DPP10: variants seen among roughly 807,000 people sequenced by gnomAD.
DPP10 encodes dipeptidyl peptidase like 10.
In DPP10, 33 loss-of-function variants were observed where a neutral mutation model predicts 120.9. The observed-to-expected ratio is 0.27, with a 90% CI of 0.21 to 0.37. The LOEUF (loss-of-function observed/expected upper bound fraction) is 0.37. Ranked by LOEUF, DPP10 falls within the 10% of genes least tolerant of loss-of-function variation. The probability of loss-of-function intolerance (pLI) is 1.00; values close to 1 mark genes in which losing one functional copy is unlikely to be tolerated. For synonymous variants in DPP10, 337 were observed against 326.1 expected, an observed-to-expected ratio of 1.03 and a Z score of -0.36; for missense variants, 816 against 942.8, an observed-to-expected ratio of 0.87 and a Z score of 1.76.
intron 5 of DPP10, among the ~76,000 whole-genome samples, chr2:115,636,568 C>T (rs1447030968): frequency 1.3e-5 from 2 of 150,022 alleles, no homozygotes; most frequent in Admixed American, 1.3e-4. Flanking sequence ...GAGAAGGAGA[C>T]AGAGAGAGAG....
At chr2:115,518,978 A>G (rs1337602550) in intron 4 of DPP10, among the ~76,000 whole-genome samples, 1 of 152,178 alleles carries the variant, frequency 6.6e-6, no homozygotes, top group African/African-American at 2.4e-5. Context: ...GAATCATTAG[A>G]CCAGCACAAA....
At chr2:114,594,561 G>A (rs1314586689) in intron 1 of DPP10, among the ~76,000 whole-genome samples, 1 of 130,862 alleles carries the variant, frequency 7.6e-6, no homozygotes. Flanking sequence ...CATATATTAT[G>A]TATACATATA....
chr2:114,544,475 T>A (rs1464253248), intron 1 of DPP10, among the ~76,000 whole-genome samples: 1 of 152,190 alleles, frequency 6.6e-6, no homozygotes, highest in Non-Finnish European at 1.5e-5. Context: ...CTGTGATTGA[T>A]AAAACACTTG....
At chr2:114,857,584 G>A (rs935560102) in intron 1 of DPP10, among the ~76,000 whole-genome samples, 6 of 152,124 alleles carry the variant, frequency 3.9e-5, no homozygotes, top group South Asian at 2.1e-4. Flanking sequence ...AACCATCCCA[G>A]GCTCTGGAAA....
intron 1 of DPP10, among the ~76,000 whole-genome samples, chr2:114,479,209 T>A (rs2104664954): frequency 6.6e-6 from 1 of 152,316 alleles, no homozygotes; most frequent in Non-Finnish European, 1.5e-5. Flanking sequence ...CCCAAGTTTC[T>A]GTTTTGTTTT....
At chr2:115,158,028 A>G (rs1262271257) in intron 1 of DPP10, among the ~76,000 whole-genome samples, 1 of 152,202 alleles carries the variant, frequency 6.6e-6, no homozygotes, top group East Asian at 1.9e-4. Context: ...TTTGTCTCTA[A>G]AGGGTATCCT....
chr2:115,618,052 A>G (rs1419932282), intron 5 of DPP10, among the ~76,000 whole-genome samples: 1 of 152,174 alleles, frequency 6.6e-6, no homozygotes, highest in Non-Finnish European at 1.5e-5. Flanking sequence ...GTGACATAAC[A>G]TTTAAAACTT....
intron 1 of DPP10, among the ~76,000 whole-genome samples, chr2:115,209,328 T>G (rs561339154): frequency 6.6e-6 from 1 of 152,288 alleles, no homozygotes; most frequent in South Asian, 2.1e-4. Context: ...AAATCTTATT[T>G]TCTTTACTCT....
intron 1 of DPP10, among the ~76,000 whole-genome samples, chr2:114,589,260 T>G (rs1272440602): frequency 6.6e-6 from 1 of 152,166 alleles, no homozygotes; most frequent in Non-Finnish European, 1.5e-5. Context: ...GAGTAATTCC[T>G]GGAGGCCCAG....
intron 1 of DPP10, among the ~76,000 whole-genome samples, chr2:115,009,276 G>T (rs1702085718): frequency 6.6e-6 from 1 of 151,850 alleles, no homozygotes; most frequent in African/African-American, 2.4e-5. Flanking sequence ...CATGTCCTTT[G>T]TAGGGACATG....
chr2:115,177,815 G>GT (rs2053801200), intron 1 of DPP10, among the ~76,000 whole-genome samples: 3 of 152,144 alleles, frequency 2.0e-5, no homozygotes, highest in Admixed American at 1.3e-4. Context: ...CCAGGCTGGA[G>GT]TACAGTGGCG....
rs1175597258 is a variant in DPP10, at chr2:115,163,351, T to A, written c.61-145888T>A. Among the ~76,000 whole-genome samples, 4 of 152,300 alleles carry A rather than the reference T, an allele frequency of 2.6e-5. No homozygotes were observed. In the South Asian group the frequency reaches 8.3e-4, roughly 32 times the overall value. ...TTTCTCCTCTTCCCTCCCCTTCTCTTTTCTCTCACATGTGTTTCACACAGG... is the reference window on the plus strand; with the variant it reads ...TTTCTCCTCTTCCCTCCCCTTCTCTATTCTCTCACATGTGTTTCACACAGG... On this transcript the variant is annotated intron_variant, in intron 1 of 25. Transcript: ENST00000410059.
intron 3 of DPP10, among the ~76,000 whole-genome samples, chr2:115,380,322 C>G (rs184913000): frequency 2.2e-4 from 33 of 152,216 alleles, no homozygotes; most frequent in African/African-American, 7.2e-4. Flanking sequence ...TTCTTTGTCT[C>G]TTTTGATCTT....
At chr2:114,760,389 G>A (rs1680176198) in intron 1 of DPP10, among the ~76,000 whole-genome samples, 1 of 152,058 alleles carries the variant, frequency 6.6e-6, no homozygotes, top group South Asian at 2.1e-4. Context: ...ATAAACCTGT[G>A]GTACCATGCA....
At chr2:115,219,821 C>T (rs1237506537) in intron 1 of DPP10, among the ~76,000 whole-genome samples, 1 of 152,100 alleles carries the variant, frequency 6.6e-6, no homozygotes, top group Non-Finnish European at 1.5e-5. Flanking sequence ...AATTATCATG[C>T]CCTTTAATAG....
Position 115,536,535 on chromosome 2 carries a change from A to G in DPP10, c.441+10563A>G, listed in dbSNP as rs185525928. ...TGAGACTGAAATTATGGGATTATAT[A>G]TTTTTTACATTAATTAGTGTTCTTG... On this transcript the variant is annotated intron_variant, in intron 5 of 25. Coordinates refer to ENST00000410059, the MANE Select transcript of DPP10 (RefSeq NM_020868.6). Among the ~76,000 whole-genome samples the G allele has an allele frequency of 9.9e-5, 15 of 152,080 alleles. No individual in the cohort carries two copies. The East Asian group carries it at 2.3e-3, about 24-fold the overall frequency.
At chr2:115,002,824 C>T (rs922157357) in intron 1 of DPP10, among the ~76,000 whole-genome samples, 8 of 152,036 alleles carry the variant, frequency 5.3e-5, no homozygotes, top group African/African-American at 1.9e-4. Flanking sequence ...CCATCTCATG[C>T]TAGTCATAAT....
chr2:115,259,915 ATATC>A (rs2059176048), intron 1 of DPP10, among the ~76,000 whole-genome samples: 4 of 152,156 alleles, frequency 2.6e-5, no homozygotes, highest in African/African-American at 9.6e-5. Context: ...TTGATTTAGT[ATATC>A]TAATAGTCGT....
At chr2:115,013,203 C>G (rs1702386830) in intron 1 of DPP10, among the ~76,000 whole-genome samples, 1 of 152,084 alleles carries the variant, frequency 6.6e-6, no homozygotes, top group Non-Finnish European at 1.5e-5. Flanking sequence ...GTGACAAAAT[C>G]TCTCACCGTT....
Sources: allele counts gnomAD v4.1 joint callset (sites outside exome capture counted in the v4.1 genomes callset), GRCh38; gene constraint gnomAD v4.1.1; transcripts MANE v1.5; gene names NCBI Gene and HGNC (gene_info 2026-07-23, HGNC 2026-07-21).